Variants in DLEU7 observed in about 807,000 individuals in gnomAD.
The protein encoded by DLEU7 is deleted in lymphocytic leukemia 7, also known as leukemia-associated protein 7.
Under a neutral mutation model 16.0 loss-of-function variants are expected in DLEU7, and 17 were observed. The observed-to-expected ratio is 1.06, with a 90% CI of 0.73 to 1.59. The LOEUF is 1.59. Ranked by LOEUF, DLEU7 falls within the 40% of genes most tolerant of loss-of-function variation. The probability of loss-of-function intolerance (pLI) is 0.00; values close to 1 mark genes in which losing one functional copy is unlikely to be tolerated. For synonymous variants in DLEU7, 113 were observed against 139.8 expected (o/e 0.81, Z 1.35); for missense variants, 308 against 314.9 (o/e 0.98, Z 0.17).
intron 1 of DLEU7, among the ~76,000 whole-genome samples, chr13:50,787,608 C>T (rs1875822527): frequency 1.3e-5 from 2 of 152,124 alleles, no homozygotes; most frequent in Admixed American, 6.5e-5. Context: ...ACAGCTTCCT[C>T]ACTGAGCTCC....
At chr13:50,755,058 G>A (rs963349175) in intron 1 of DLEU7, among the ~76,000 whole-genome samples, 5 of 152,174 alleles carry the variant, frequency 3.3e-5, no homozygotes, top group Non-Finnish European at 5.9e-5. Context: ...TGAGAAATCT[G>A]CTGTTAGTCT....
At chr13:50,801,463 A>C (rs1258962506) in intron 1 of DLEU7, among the ~76,000 whole-genome samples, 2 of 152,130 alleles carry the variant, frequency 1.3e-5, no homozygotes, top group Non-Finnish European at 2.9e-5. Context: ...AGACCGGTCT[A>C]CTGTGGCAAC....
chr13:50,792,863 CT>C (rs34476833), intron 1 of DLEU7, among the ~76,000 whole-genome samples: 4,734 of 145,360 alleles, frequency 0.033, 239 homozygotes, highest in African/African-American at 0.11. Context: ...CTTTGCTCCT[CT>C]TTTTTTTTTT....
At chr13:50,792,463 A>G (rs1351811194) in intron 1 of DLEU7, among the ~76,000 whole-genome samples, 2 of 152,214 alleles carry the variant, frequency 1.3e-5, no homozygotes, top group Non-Finnish European at 2.9e-5. Flanking sequence ...AATGTCCAGC[A>G]CCCCAGCACG....
rs564079027 is a variant in DLEU7, at chr13:50,813,693, T to A, written c.459+29495A>T. ...CAAAAATGGCATTTTAAGCAATATA[T>A]ATATTTTAAATTGGATCAAATTCAA... On this transcript the variant is annotated intron_variant, in intron 1 of 1. Transcript: ENST00000400393. Among the ~76,000 whole-genome samples, 8 of 152,244 alleles carry A rather than the reference T, an allele frequency of 5.3e-5. No individual in the cohort carries two copies. The South Asian group carries it at 1.7e-3, about 32-fold the overall frequency.
intron 1 of DLEU7, among the ~76,000 whole-genome samples, chr13:50,748,477 G>A (rs890573355): frequency 5.3e-5 from 8 of 152,036 alleles, no homozygotes; most frequent in Non-Finnish European, 2.9e-5. Flanking sequence ...ATTTTTAAAA[G>A]TCCATGTCTA....
At chr13:50,759,910 C>T (rs945216553) in intron 1 of DLEU7, among the ~76,000 whole-genome samples, 2 of 152,184 alleles carry the variant, frequency 1.3e-5, no homozygotes, top group African/African-American at 4.8e-5. Flanking sequence ...TGCCAGCCAC[C>T]TTCCATCCTT....
intron 1 of DLEU7, among the ~76,000 whole-genome samples, chr13:50,772,099 G>A (rs1184492184): frequency 1.3e-5 from 2 of 151,804 alleles, no homozygotes; most frequent in Non-Finnish European, 2.9e-5. Context: ...CTGCTTTTTT[G>A]TTGTTTTCCA....
chr13:50,834,351 AC>A (rs1457902865), intron 1 of DLEU7, among the ~76,000 whole-genome samples: 1 of 152,158 alleles, frequency 6.6e-6, no homozygotes, highest in African/African-American at 2.4e-5. Flanking sequence ...CAAGAAAAAA[AC>A]AACCCCATCA....
Position 50,713,332 on chromosome 13 carries a change from T to G in DLEU7, c.460-92A>C, listed in dbSNP as rs1046080373. ...ATTATTTACTGAGCACTATATTGCA[T>G]TTTAGGAATGGCATTAGGTACTGGA... On this transcript the variant is annotated intron_variant, in intron 1 of 1. Coordinates refer to the DLEU7 transcript ENST00000400393. 4 of 1,470,356 alleles carry G rather than the reference T, an allele frequency of 2.7e-6. No individual in the cohort carries two copies. The African/African-American group carries it at 5.6e-5, about 20-fold the overall frequency. The allele number at this position is 1,470,356 out of a possible 1,614,324, so 91.1% of individuals were successfully genotyped here.
Position 50,773,482 on chromosome 13 carries a change from C to T in DLEU7, c.460-60242G>A, listed in dbSNP as rs146261562. On this transcript the variant is annotated intron_variant, in intron 1 of 1. Coordinates refer to the DLEU7 transcript ENST00000400393. ...TGGTTGTCCTTTTTGTTGATGTTGA[C>T]GCTATTCCTTTCTGTATGTTAGTTT... Among the ~76,000 whole-genome samples, 702 of 152,206 alleles carry T rather than the reference C, an allele frequency of 4.6e-3. 3 individuals are homozygous for T. The highest frequency in any genetic ancestry group is 0.016 in the African/African-American group (668 of 41,556).
intron 1 of DLEU7, among the ~76,000 whole-genome samples, chr13:50,728,902 C>T (rs1265634968): frequency 6.6e-6 from 1 of 152,120 alleles, no homozygotes; most frequent in Non-Finnish European, 1.5e-5. Flanking sequence ...CCACTGTCTC[C>T]CCTCCTTAAT....
chr13:50,711,629 G>A (rs955041298), downstream of DLEU7: 3 of 152,172 alleles, frequency 2.0e-5, no homozygotes, highest in Non-Finnish European at 4.4e-5. Flanking sequence ...TCCAATCCAC[G>A]TGAATGTTCT....
At chr13:50,791,041 G>C (rs1875942478) in intron 1 of DLEU7, among the ~76,000 whole-genome samples, 1 of 152,062 alleles carries the variant, frequency 6.6e-6, no homozygotes, top group South Asian at 2.1e-4. Context: ...AGTGGGCGAG[G>C]GAGGGAGGGA....
chr13:50,830,509 T>G (rs778768632), intron 1 of DLEU7, among the ~76,000 whole-genome samples: 2 of 152,194 alleles, frequency 1.3e-5, no homozygotes, highest in Non-Finnish European at 2.9e-5. Flanking sequence ...TATGGAAGAA[T>G]AGACATGTAT....
intron 1 of DLEU7, among the ~76,000 whole-genome samples, chr13:50,787,965 G>A (rs1875835351): frequency 6.6e-6 from 1 of 152,054 alleles, no homozygotes; most frequent in African/African-American, 2.4e-5. Context: ...CCTCCCCTAA[G>A]CCCAAGCCAG....
At chr13:50,788,827 G>T (rs540070151) in intron 1 of DLEU7, among the ~76,000 whole-genome samples, 51 of 152,244 alleles carry the variant, frequency 3.3e-4, no homozygotes, top group African/African-American at 1.2e-3. Flanking sequence ...GCAAAAGCTG[G>T]CATCCTCACG....
At chr13:50,829,021 G>A (rs1272057762) in intron 1 of DLEU7, among the ~76,000 whole-genome samples, 1 of 152,184 alleles carries the variant, frequency 6.6e-6, no homozygotes, top group Non-Finnish European at 1.5e-5. Context: ...GGCATTGAAT[G>A]CAGCCCAACA....
At chr13:50,744,187 C>T (rs575302743) in intron 1 of DLEU7, among the ~76,000 whole-genome samples, 1 of 152,308 alleles carries the variant, frequency 6.6e-6, no homozygotes, top group East Asian at 1.9e-4. Context: ...CAGCACTGAT[C>T]TCTGATATAT....
Sources: gnomAD v4.1 joint callset for allele counts (sites outside exome capture counted in the v4.1 genomes callset) on GRCh38, gnomAD v4.1.1 for gene constraint, MANE v1.5 for transcripts, NCBI Gene and HGNC (gene_info 2026-07-23, HGNC 2026-07-21) for gene names.